PPP2R2D: variants seen among roughly 807,000 people sequenced by gnomAD.
PPP2R2D encodes the protein serine/threonine-protein phosphatase 2A 55 kDa regulatory subunit B delta isoform.
In PPP2R2D, 9 loss-of-function variants were observed where a neutral mutation model predicts 31.1. That is an observed-to-expected ratio of 0.29 (90% CI 0.17 to 0.51). The LOEUF is 0.51. Ranked by LOEUF, PPP2R2D falls within the 20% of genes least tolerant of loss-of-function variation. The probability of loss-of-function intolerance (pLI) is 0.98; values close to 1 mark genes in which losing one functional copy is unlikely to be tolerated. For synonymous variants in PPP2R2D, 179 were observed against 172.6 expected (o/e 1.04, Z -0.29); for missense variants, 391 against 465.6 (o/e 0.84, Z 1.48).
At chr10:131,946,362 C>T (rs1171492752) in intron 7 of PPP2R2D, among the ~76,000 whole-genome samples, 8 of 152,182 alleles carry the variant, frequency 5.3e-5, no homozygotes, top group African/African-American at 1.7e-4. Context: ...AGCAGGTAGA[C>T]ACACGTCCAG....
intron 2 of PPP2R2D, among the ~76,000 whole-genome samples, chr10:131,909,782 A>T (rs1479480452): frequency 2.6e-5 from 4 of 152,244 alleles, no homozygotes; most frequent in African/African-American, 9.6e-5. Flanking sequence ...TGTGCTGGTT[A>T]TCGCTGTTGA....
chr10:131,954,071 C>T (rs918476858), intron 8 of PPP2R2D, among the ~76,000 whole-genome samples: 2 of 152,196 alleles, frequency 1.3e-5, no homozygotes, highest in African/African-American at 2.4e-5. Context: ...TCTAGGTCGC[C>T]CCACAGAACC....
intron 3 of PPP2R2D, among the ~76,000 whole-genome samples, chr10:131,936,674 A>G (rs1431999595): frequency 6.6e-6 from 1 of 152,246 alleles, no homozygotes; most frequent in African/African-American, 2.4e-5. Flanking sequence ...ATAAAAGTCA[A>G]GCATCTCGTT....
intron 2 of PPP2R2D, among the ~76,000 whole-genome samples, chr10:131,910,156 C>T (rs896310804): frequency 8.5e-4 from 130 of 152,148 alleles, no homozygotes; most frequent in Admixed American, 1.6e-3. Flanking sequence ...GCCGGCCTTT[C>T]GGAGTCAGTG....
chr10:131,941,268 C>G (rs1425451528), intron 5 of PPP2R2D, among the ~76,000 whole-genome samples: 1 of 152,176 alleles, frequency 6.6e-6, no homozygotes, highest in African/African-American at 2.4e-5. Flanking sequence ...AATTCTGATG[C>G]CTAAATTTTT....
In PPP2R2D at chr10:131,905,294, A is replaced by C. The variant is rs911913321; in HGVS notation, c.100+3964A>C. On this transcript the variant is annotated intron_variant, in intron 2 of 8. Coordinates refer to ENST00000455566, the MANE Select transcript of PPP2R2D (RefSeq NM_018461.5). The stretch of plus-strand genomic sequence containing the variant: ...TAGAAAAGTTGTTTGTTAGCTTCTA[A>C]TTCCACGATGTTGCGGTTCTAAACG... Among the ~76,000 whole-genome samples the C allele has an allele frequency of 7.9e-3, 1,204 of 152,286 alleles. 8 individuals carry two copies. Among genetic ancestry groups the C allele is most frequent in the Middle Eastern group, 0.017 (5 of 294 alleles).
intron 2 of PPP2R2D, among the ~76,000 whole-genome samples, chr10:131,926,061 C>CT (rs1370865590): frequency 6.6e-6 from 1 of 152,202 alleles, no homozygotes; most frequent in African/African-American, 2.4e-5. Flanking sequence ...GCACAATGAC[C>CT]TGGGCGGGGC....
At chr10:131,906,460 T>C (rs921214449) in intron 2 of PPP2R2D, among the ~76,000 whole-genome samples, 3 of 152,204 alleles carry the variant, frequency 2.0e-5, no homozygotes, top group Non-Finnish European at 4.4e-5. Flanking sequence ...AAGTCAAGCT[T>C]GAGTCTGGGG....
intron 8 of PPP2R2D, among the ~76,000 whole-genome samples, chr10:131,949,682 C>T (rs1163409393): frequency 1.3e-5 from 2 of 152,138 alleles, no homozygotes; most frequent in African/African-American, 2.4e-5. Context: ...GACCGCTAAA[C>T]GTGACCTGGA....
In PPP2R2D at chr10:131,947,132, G is replaced by C. The variant is rs539146416; in HGVS notation, c.821-398G>C. On this transcript the variant is annotated intron_variant, in intron 7 of 8. Coordinates refer to ENST00000455566, the MANE Select transcript of PPP2R2D (RefSeq NM_018461.5). This position sits in a 1 kb window ranked among gnomAD's most constrained non-coding sequence, Gnocchi z 4.3. ...GTATGCGATAGAATTTCACGTGCTCGGGCCTGGTGCCATGAGGACGCGGAG... is the reference window on the plus strand; with the variant it reads ...GTATGCGATAGAATTTCACGTGCTCCGGCCTGGTGCCATGAGGACGCGGAG... Among the ~76,000 whole-genome samples the C allele has an allele frequency of 6.6e-6, 1 of 152,134 alleles. No homozygotes were observed. The highest frequency in any genetic ancestry group is 2.4e-5 in the African/African-American group (1 of 41,424).
At chr10:131,943,736 G>A (rs529779435) in intron 5 of PPP2R2D, among the ~76,000 whole-genome samples, 2 of 152,336 alleles carry the variant, frequency 1.3e-5, no homozygotes, top group East Asian at 3.9e-4. Context: ...CTCTTCAGCA[G>A]GAACATGTCG....
chr10:131,934,645 G>A, intron 3 of PPP2R2D, 90 bp downstream of exon 3: 2 of 713,654 alleles, frequency 2.8e-6, no homozygotes, highest in Non-Finnish European at 5.2e-6. Flanking sequence ...TTTTCTCATT[G>A]TCTCATTTCA....
chr10:131,914,891 G>A (rs1229303474), intron 2 of PPP2R2D, among the ~76,000 whole-genome samples: 1 of 152,126 alleles, frequency 6.6e-6, no homozygotes, highest in Non-Finnish European at 1.5e-5. Context: ...TGCATTGTTT[G>A]TAGGTATAAG....
chr10:131,936,204 A>G (rs548030518), intron 3 of PPP2R2D, among the ~76,000 whole-genome samples: 48 of 151,260 alleles, frequency 3.2e-4, no homozygotes, highest in African/African-American at 1.1e-3. Flanking sequence ...CTGGAGTGCA[A>G]TGGCGTGATC....
intron 2 of PPP2R2D, among the ~76,000 whole-genome samples, chr10:131,920,271 A>G (rs1429817668): frequency 1.5e-5 from 2 of 132,880 alleles, no homozygotes; most frequent in Admixed American, 1.6e-4. Flanking sequence ...GTGGAATGAC[A>G]CAGTGTAGGG....
intron 4 of PPP2R2D, 145 bp downstream of exon 4, chr10:131,940,341 G>A (rs2036420082): frequency 1.7e-6 from 1 of 579,536 alleles, no homozygotes; most frequent in Non-Finnish European, 3.1e-6. Flanking sequence ...CAAGTGATAG[G>A]TTGAAAATTC....
chr10:131,962,122 TTCTTAATATAACAGAA>T (rs1554901546), downstream of PPP2R2D, among the ~76,000 whole-genome samples: 3 of 152,194 alleles, frequency 2.0e-5, no homozygotes, highest in African/African-American at 7.2e-5. Context: ...TTTAGTGTAT[TTCTTAATATAACAGAA>T]ACTGGTGTCT....
intron 8 of PPP2R2D, among the ~76,000 whole-genome samples, chr10:131,948,704 T>C (rs1367196262): frequency 6.6e-6 from 1 of 152,188 alleles, no homozygotes; most frequent in Non-Finnish European, 1.5e-5. Context: ...CCACTGCCCC[T>C]GTGAACAGCA....
chr10:131,914,946 C>T (rs2035750828), intron 2 of PPP2R2D, among the ~76,000 whole-genome samples: 1 of 152,150 alleles, frequency 6.6e-6, no homozygotes, highest in Admixed American at 6.5e-5. Flanking sequence ...GTTCTAGCAA[C>T]TCGAAGGAGG....
Sources: gnomAD v4.1 joint callset for allele counts (sites outside exome capture counted in the v4.1 genomes callset) on GRCh38, gnomAD v4.1.1 for gene constraint, Gnocchi (gnomAD v3.1) non-coding constraint, MANE v1.5 for transcripts, NCBI Gene and HGNC (gene_info 2026-07-23, HGNC 2026-07-21) for gene names.